Variants in SLC16A9 observed in about 807,000 individuals in gnomAD.
The protein encoded by SLC16A9 is monocarboxylate transporter 9.
In SLC16A9, 26 loss-of-function variants were observed where a neutral mutation model predicts 44.3. The ratio of observed to expected loss-of-function variants is 0.59; its 90% CI spans 0.43 to 0.81. SLC16A9 has a LOEUF of 0.81. Among genes scored for constraint, SLC16A9 ranks in the 40% least tolerant of loss-of-function variants. The pLI is 0.00. For synonymous variants in SLC16A9, 230 were observed against 225.1 expected, an observed-to-expected ratio of 1.02 and a Z score of -0.19; for missense variants, 559 against 595.8, an observed-to-expected ratio of 0.94 and a Z score of 0.64.
At position 59,684,382 on chromosome 10, in the gene SLC16A9, C is replaced by T. The variant is rs959838541; in HGVS notation, c.-36-55G>A. ...TTATTTAGAGTGTGGTAGGGCACAG[C>T]GCTTGGGGTAAAAATATCTCCTCCT... is the stretch of plus-strand genomic sequence containing the variant. On this transcript the variant is annotated intron_variant, in intron 1 of 5. Coordinates refer to ENST00000395348, the MANE Select transcript of SLC16A9 (RefSeq NM_194298.3). 41 of 958,862 alleles carry T rather than the reference C, an allele frequency of 4.3e-5. No individual in the cohort carries two copies. The Middle Eastern group carries it at 1.5e-3, about 34-fold the overall frequency. The allele number at this position is 958,862 out of a possible 1,614,324, so 59.4% of individuals were successfully genotyped here.
intron 3 of SLC16A9, among the ~76,000 whole-genome samples, chr10:59,670,216 T>A (rs1839713871): frequency 6.6e-6 from 1 of 152,212 alleles, no homozygotes; most frequent in South Asian, 2.1e-4. Context: ...CATCTCTGTA[T>A]GCCTCTTTAT....
chr10:59,666,945 T>C (rs1003100915), intron 3 of SLC16A9, among the ~76,000 whole-genome samples: 2 of 151,832 alleles, frequency 1.3e-5, no homozygotes, highest in Non-Finnish European at 2.9e-5. Context: ...AGCTTCCCAA[T>C]TCATAAAGAT....
At chr10:59,653,438 A>AAAAAAAAAAAAAAAAAAAAAAC (rs1839261509) in intron 5 of SLC16A9, among the ~76,000 whole-genome samples, 1 of 149,774 alleles carries the variant, frequency 6.7e-6, no homozygotes, top group African/African-American at 2.4e-5. Context: ...AAAAAAAAAA[A>AAAAAAAAAAAAAAAAAAAAAAC]AAAAAAAGCA....
chr10:59,657,183 T>C (rs1476847258), intron 4 of SLC16A9, among the ~76,000 whole-genome samples: 1 of 152,254 alleles, frequency 6.6e-6, no homozygotes, highest in Non-Finnish European at 1.5e-5. Flanking sequence ...AATTTTCACG[T>C]ATTATGAATA....
In SLC16A9 at chr10:59,652,959, G is replaced by A. The variant is rs11006656; in HGVS notation, c.1352-9C>T. ...CCAGTCATAAAACCAACCTGAAAAG[G>A]CAGTAAGAAAAAAAGTAAGTTTCAT... On this transcript the variant is annotated splice_polypyrimidine_tract_variant and intron_variant, in intron 5 of 5. Coordinates refer to ENST00000395348, the MANE Select transcript of SLC16A9 (RefSeq NM_194298.3). The A allele has an allele frequency of 5.8e-3, 9,243 of 1,588,234 alleles. 396 individuals are homozygous for A. The African/African-American group carries it at 0.1, about 18-fold the overall frequency.
At chr10:59,697,727 A>G (rs1840428255) in intron 1 of SLC16A9, among the ~76,000 whole-genome samples, 2 of 150,368 alleles carry the variant, frequency 1.3e-5, no homozygotes, top group Admixed American at 1.3e-4. Context: ...AAGAATGATC[A>G]ATAAAAAAAA....
At chr10:59,692,913 A>G (rs944296908) in intron 1 of SLC16A9, among the ~76,000 whole-genome samples, 2 of 152,230 alleles carry the variant, frequency 1.3e-5, no homozygotes, top group African/African-American at 4.8e-5. Flanking sequence ...GAATTCTAAA[A>G]CAATAGGTAC....
intron 3 of SLC16A9, among the ~76,000 whole-genome samples, chr10:59,666,426 T>C (rs1183139924): frequency 2.0e-5 from 3 of 152,196 alleles, no homozygotes; most frequent in Non-Finnish European, 4.4e-5. Context: ...AGATCTTTCA[T>C]GAAGTTAGTC....
chr10:59,708,401 G>A (rs1840691025), intron 1 of SLC16A9, among the ~76,000 whole-genome samples: 1 of 152,092 alleles, frequency 6.6e-6, no homozygotes, highest in Admixed American at 6.6e-5. Context: ...AGAATTTCTC[G>A]AAGCTGAAGC....
At chr10:59,701,741 G>A (rs140630617) in intron 1 of SLC16A9, among the ~76,000 whole-genome samples, 2 of 152,244 alleles carry the variant, frequency 1.3e-5, no homozygotes, top group East Asian at 1.9e-4. Context: ...CACAGCTCAC[G>A]ACTCAGCATT....
At chr10:59,660,967 AAACTCTCAATAACCTAGGTATTGATGG>A (rs1403302327) in intron 4 of SLC16A9, among the ~76,000 whole-genome samples, 4 of 152,220 alleles carry the variant, frequency 2.6e-5, no homozygotes, top group African/African-American at 9.6e-5. Context: ...TTCATGCTAA[AAACTCTCAATAACCTAGGTATTGATGG>A]AACATATCTC....
chr10:59,653,954 GT>G lies in SLC16A9; in HGVS notation c.1071del (p.Lys357AsnfsTer4). 1 of 1,613,972 alleles carries G rather than the reference GT, an allele frequency of 6.2e-7. No individual in the cohort carries two copies. Among genetic ancestry groups the G allele is most frequent in the Non-Finnish European group, 8.5e-7 (1 of 1,180,018 alleles). On this transcript the variant is annotated frameshift_variant, in exon 5 of 6. Transcript: ENST00000395348. LOFTEE classifies it high-confidence loss of function. ...AAGTCAGCCAGTATCCCTAAAAGCA[GT>G]TTACCAACTGCTGTCATAATGCCTA... ...SIIGIMTAVG[K>X]LLLGILADFK...
At chr10:59,692,809 C>T (rs769595088) in intron 1 of SLC16A9, among the ~76,000 whole-genome samples, 2 of 152,112 alleles carry the variant, frequency 1.3e-5, no homozygotes, top group Non-Finnish European at 2.9e-5. Context: ...AAATAATTAA[C>T]CAATACCTAA....
Position 59,694,077 on chromosome 10 carries a change from A to G in SLC16A9, c.-36-9750T>C, listed in dbSNP as rs967871112. Among the ~76,000 whole-genome samples, 93 of 152,138 alleles carry G rather than the reference A, an allele frequency of 6.1e-4. 1 individual carries two copies. Among genetic ancestry groups the G allele is most frequent in the African/African-American group, 2.1e-3 (89 of 41,500 alleles). ...CTCAGCCTCCGGAGTAGCTGGGACT[A>G]CAGGCGCCCGCCACCACGCCCGGTA... On this transcript the variant is annotated intron_variant, in intron 1 of 5. Coordinates refer to ENST00000395348, the MANE Select transcript of SLC16A9 (RefSeq NM_194298.3).
chr10:59,679,703 G>A (rs2132474925), intron 2 of SLC16A9, among the ~76,000 whole-genome samples: 1 of 152,326 alleles, frequency 6.6e-6, no homozygotes, highest in Middle Eastern at 3.4e-3. Context: ...ACTGGAGAAT[G>A]TAACCTAGCC....
chr10:59,708,994 C>G (rs1840704898), intron 1 of SLC16A9, among the ~76,000 whole-genome samples: 1 of 152,206 alleles, frequency 6.6e-6, no homozygotes, highest in Non-Finnish European at 1.5e-5. Flanking sequence ...CAGGAGTACC[C>G]GCGGCGCCCC....
chr10:59,688,962 C>T (rs11006693), intron 1 of SLC16A9, among the ~76,000 whole-genome samples: 44,179 of 151,812 alleles, frequency 0.29, 7,596 homozygotes, highest in Middle Eastern at 0.41. Flanking sequence ...CACACACCTC[C>T]GCCCTCCCTT....
chr10:59,653,520 T>C (rs1182707713), intron 5 of SLC16A9, among the ~76,000 whole-genome samples, 155 bp downstream of exon 5: 5 of 151,300 alleles, frequency 3.3e-5, no homozygotes, highest in East Asian at 1.9e-4. Flanking sequence ...TTCTCAATTA[T>C]ATCAAAGCAG....
chr10:59,706,104 A>G (rs1840630557), intron 1 of SLC16A9, among the ~76,000 whole-genome samples: 2 of 152,118 alleles, frequency 1.3e-5, no homozygotes, highest in African/African-American at 4.8e-5. Flanking sequence ...TTTTCTTCAC[A>G]CTTAGCCTTG....
Sources: allele counts gnomAD v4.1 joint callset (sites outside exome capture counted in the v4.1 genomes callset), GRCh38; gene constraint gnomAD v4.1.1; transcripts MANE v1.5; gene names NCBI Gene and HGNC (gene_info 2026-07-23, HGNC 2026-07-21).